The following CACNA1D variants were observed in gnomAD, a reference collection of about 807,000 sequenced individuals.
CACNA1D encodes calcium voltage-gated channel subunit alpha1 D, also known as voltage-dependent L-type calcium channel subunit alpha-1D.
CACNA1D carries 55 observed loss-of-function variants against 257.1 expected under a neutral mutation model. The observed-to-expected ratio is 0.21, with a 90% confidence interval of 0.17 to 0.27. The LOEUF is 0.27. CACNA1D is among the 10% of genes least tolerant of loss of function. The probability of loss-of-function intolerance (pLI) is 1.00; values close to 1 mark genes in which losing one functional copy is unlikely to be tolerated. For synonymous variants in CACNA1D, 980 were observed against 1,014.9 expected, an observed-to-expected ratio of 0.97 and a Z score of 0.65; for missense variants, 1,876 against 2,784.0, an observed-to-expected ratio of 0.67 and a Z score of 7.34.
At chr3:53,688,555 C>T (rs916195821) in intron 8 of CACNA1D, among the ~76,000 whole-genome samples, 4 of 152,218 alleles carry the variant, frequency 2.6e-5, no homozygotes, top group Admixed American at 6.5e-5. Flanking sequence ...GAGCTCCACA[C>T]TGGCCTGGTT....
intron 21 of CACNA1D, among the ~76,000 whole-genome samples, chr3:53,742,369 T>C (rs972144212): frequency 6.6e-6 from 1 of 152,358 alleles, no homozygotes; most frequent in Non-Finnish European, 1.5e-5. Flanking sequence ...GCACCCATAA[T>C]AGGTGCTCCA....
At chr3:53,778,802 T>C (rs2095411226) in intron 37 of CACNA1D, among the ~76,000 whole-genome samples, 1 of 152,150 alleles carries the variant, frequency 6.6e-6, no homozygotes, top group Non-Finnish European at 1.5e-5. Flanking sequence ...TGGATCCTGC[T>C]CTGAAAGACC....
intron 3 of CACNA1D, among the ~76,000 whole-genome samples, chr3:53,634,789 A>G (rs113690260): frequency 0.02 from 3,000 of 152,236 alleles, 102 homozygotes; most frequent in African/African-American, 0.068. Flanking sequence ...GACCATTGAG[A>G]GGATGAGGAG....
intron 28 of CACNA1D, among the ~76,000 whole-genome samples, 166 bp from the exon 29 acceptor site, chr3:53,753,406 T>C (rs1294977789): frequency 2.0e-5 from 3 of 152,206 alleles, no homozygotes; most frequent in Non-Finnish European, 4.4e-5. Context: ...TCCTGCACTT[T>C]GTGGGAGTTC....
At chr3:53,676,377 A>T (rs2094377159) in intron 8 of CACNA1D, among the ~76,000 whole-genome samples, 3 of 151,888 alleles carry the variant, frequency 2.0e-5, no homozygotes, top group South Asian at 2.1e-4. Context: ...TTATTTTTTT[A>T]AATTTTAGCC....
intron 3 of CACNA1D, among the ~76,000 whole-genome samples, chr3:53,636,621 T>G (rs1221325903): frequency 1.3e-5 from 2 of 152,238 alleles, no homozygotes; most frequent in African/African-American, 2.4e-5. Context: ...AACTATATAC[T>G]CTTATATTCT....
chr3:53,507,647 G>A (rs138297119), intron 3 of CACNA1D, among the ~76,000 whole-genome samples: 1 of 152,030 alleles, frequency 6.6e-6, no homozygotes, highest in African/African-American at 2.4e-5. Flanking sequence ...AAGAATTTAG[G>A]TTTTTTACTA....
intron 39 of CACNA1D, among the ~76,000 whole-genome samples, chr3:53,782,099 C>A (rs912091767): frequency 6.6e-6 from 1 of 151,788 alleles, no homozygotes; most frequent in Non-Finnish European, 1.5e-5. Flanking sequence ...CTTATCAAGA[C>A]TGAATTTACT....
At chr3:53,733,810 G>C (rs551413150) in intron 19 of CACNA1D, among the ~76,000 whole-genome samples, 1 of 151,764 alleles carries the variant, frequency 6.6e-6, no homozygotes, top group South Asian at 2.1e-4. Context: ...GGCATCCTCA[G>C]AGATATGAAG....
chr3:53,726,050 A>G (rs1265238634), intron 14 of CACNA1D, among the ~76,000 whole-genome samples: 1 of 152,240 alleles, frequency 6.6e-6, no homozygotes. Context: ...ATAATTATCC[A>G]TTTCCACAGT....
chr3:53,786,904 A>AT lies in CACNA1D; in HGVS notation c.4875_4876insT (p.Gly1626TrpfsTer24). On this transcript the variant is annotated frameshift_variant, in exon 40 of 48. Transcript: ENST00000350061. LOFTEE classifies it high-confidence loss of function. The stretch of plus-strand genomic sequence containing the variant: ...GGAAATTCAAGAAACGGAAAGAACA[A>AT]GGACTGGTGGGAAAGTACCCTGCGA... 1 of 1,614,074 alleles carries AT rather than the reference A, an allele frequency of 6.2e-7. No homozygotes were observed. Among genetic ancestry groups the AT allele is most frequent in the South Asian group, 1.1e-5 (1 of 91,076 alleles).
Position 53,743,003 on chromosome 3 carries a change from G to C in CACNA1D, c.2812-8G>C. Reference sequence around the variant, plus strand: ...AAAATGGTAAATCATCCATGATTCTGCTTCTAGATGACAACTTTTGGAGCT... The same window carrying C: ...AAAATGGTAAATCATCCATGATTCTCCTTCTAGATGACAACTTTTGGAGCT... On this transcript the variant is annotated splice_region_variant and splice_polypyrimidine_tract_variant and intron_variant, in intron 21 of 47. Coordinates refer to ENST00000350061, the MANE Select transcript of CACNA1D (RefSeq NM_001128840.3). The C allele has an allele frequency of 6.4e-7, 1 of 1,573,932 alleles. No homozygotes were observed. Among genetic ancestry groups the C allele is most frequent in the Non-Finnish European group, 8.7e-7 (1 of 1,143,368 alleles).
intron 32 of CACNA1D, among the ~76,000 whole-genome samples, 162 bp downstream of exon 32, chr3:53,770,714 T>G (rs985573038): frequency 2.6e-5 from 4 of 152,188 alleles, no homozygotes; most frequent in African/African-American, 7.2e-5. Flanking sequence ...TCAGCATTTC[T>G]TGGGTCAATC....
Position 53,800,568 on chromosome 3 carries a change from C to A in CACNA1D, c.5040+203C>A. 1.6e-6 allele frequency: 1 copy of A among 642,030 alleles called. No individual in the cohort carries two copies. The highest frequency in any genetic ancestry group is 2.8e-6 in the Non-Finnish European group (1 of 351,588). 39.8% of individuals were successfully genotyped at this position (642,030 alleles called of 1,614,324 possible). On this transcript the variant is annotated intron_variant, in intron 41 of 47. Coordinates refer to ENST00000350061, the MANE Select transcript of CACNA1D (RefSeq NM_001128840.3). This position sits in a 1 kb window ranked among gnomAD's most constrained non-coding sequence, Gnocchi z 4.3. ...TCTTCTAGGGCCAGGCCAGCTCTTT[C>A]CCTGAGCTTACCCAGCTTCCCCTCA...
intron 3 of CACNA1D, among the ~76,000 whole-genome samples, chr3:53,525,088 A>C (rs931158604): frequency 2.6e-5 from 4 of 152,120 alleles, no homozygotes; most frequent in African/African-American, 9.7e-5. Flanking sequence ...TATTTGGGGA[A>C]AATAAGTTTT....
intron 3 of CACNA1D, among the ~76,000 whole-genome samples, chr3:53,617,471 TA>T (rs1445038316): frequency 1.3e-5 from 2 of 152,226 alleles, no homozygotes; most frequent in African/African-American, 4.8e-5. Context: ...TTCAGTTTCA[TA>T]AACCCTAGGG....
At chr3:53,680,667 T>G (rs2094421654) in intron 8 of CACNA1D, among the ~76,000 whole-genome samples, 1 of 152,224 alleles carries the variant, frequency 6.6e-6, no homozygotes, top group Non-Finnish European at 1.5e-5. Context: ...TAGTTGAAAT[T>G]AAAGCCATAA....
chr3:53,586,152 T>C (rs1050316939), intron 3 of CACNA1D, among the ~76,000 whole-genome samples: 6 of 152,174 alleles, frequency 3.9e-5, no homozygotes, highest in African/African-American at 1.4e-4. Context: ...GTGACATGGC[T>C]GGATGCCCTG....
At chr3:53,638,828 G>A (rs1477114154) in intron 3 of CACNA1D, among the ~76,000 whole-genome samples, 1 of 152,198 alleles carries the variant, frequency 6.6e-6, no homozygotes, top group Non-Finnish European at 1.5e-5. Context: ...AGCTGTGATT[G>A]GGTAGGGTGG....
Sources: allele counts gnomAD v4.1 joint callset (sites outside exome capture counted in the v4.1 genomes callset), GRCh38; gene constraint gnomAD v4.1.1; non-coding constraint Gnocchi (gnomAD v3.1); transcripts MANE v1.5; gene names NCBI Gene and HGNC (gene_info 2026-07-23, HGNC 2026-07-21).